The following CHODL variants were observed in gnomAD, a reference collection of about 807,000 sequenced individuals.
The protein encoded by CHODL is chondrolectin.
CHODL carries 29 observed loss-of-function variants against 34.5 expected under a neutral mutation model. The observed-to-expected ratio is 0.84, with a 90% CI of 0.63 to 1.15. CHODL has a LOEUF of 1.15. Among genes scored for constraint, CHODL ranks in the 50% most tolerant of loss-of-function variants. CHODL has a pLI of 0.00. For missense variants in CHODL, 332 were observed against 332.5 expected, an observed-to-expected ratio of 1.00 and a Z score of 0.01; for synonymous variants, 125 against 116.1, an observed-to-expected ratio of 1.08 and a Z score of -0.49.
At position 18,263,884 on chromosome 21, in the gene CHODL, A is replaced by G. The variant is rs142516373; in HGVS notation, c.737+991A>G. Among the ~76,000 whole-genome samples the G allele has an allele frequency of 2.6e-5, 4 of 151,536 alleles. No homozygotes were observed. The East Asian group carries it at 7.7e-4, about 29-fold the overall frequency. On this transcript the variant is annotated intron_variant, in intron 5 of 5. Transcript: ENST00000299295. ...TGAAATGAAATACTAATTCTACACA[A>G]AAGCCACATTAATAACCTTTTTTTT...
At chr21:18,065,751 A>G (rs2064724313) in intron 2 of CHODL, among the ~76,000 whole-genome samples, 1 of 152,204 alleles carries the variant, frequency 6.6e-6, no homozygotes, top group Admixed American at 6.5e-5. Flanking sequence ...CAAATTTGAT[A>G]GAATATGAAA....
chr21:18,160,739 G>C (rs1224081393), intron 2 of CHODL, among the ~76,000 whole-genome samples: 1 of 152,116 alleles, frequency 6.6e-6, no homozygotes, highest in Non-Finnish European at 1.5e-5. Flanking sequence ...ATCATTGATG[G>C]ACATTTATGT....
intron 1 of CHODL, among the ~76,000 whole-genome samples, chr21:17,987,040 G>A (rs1278445618): frequency 6.6e-6 from 1 of 152,144 alleles, no homozygotes; most frequent in Admixed American, 6.5e-5. Context: ...CAAAAAGTTA[G>A]GAGAGCTCAG....
chr21:18,250,867 A>G (rs1439684815), intron 1 of CHODL, among the ~76,000 whole-genome samples: 1 of 151,762 alleles, frequency 6.6e-6, no homozygotes, highest in Non-Finnish European at 1.5e-5. Flanking sequence ...TTTTTTTTGC[A>G]ACTAATGGTA....
At chr21:18,088,930 C>G (rs563839131) in intron 2 of CHODL, among the ~76,000 whole-genome samples, 1 of 152,132 alleles carries the variant, frequency 6.6e-6, no homozygotes, top group Admixed American at 6.5e-5. Flanking sequence ...AGTAAGGTCT[C>G]GGTTCTCAGT....
chr21:18,091,374 A>C (rs746612248), intron 2 of CHODL, among the ~76,000 whole-genome samples: 1 of 152,208 alleles, frequency 6.6e-6, no homozygotes, highest in Non-Finnish European at 1.5e-5. Flanking sequence ...GGGAGACTCC[A>C]GTAGGTATGG....
chr21:18,151,950 G>A (rs995001592), intron 2 of CHODL, among the ~76,000 whole-genome samples: 2 of 151,712 alleles, frequency 1.3e-5, no homozygotes, highest in Non-Finnish European at 2.9e-5. Flanking sequence ...GTTTTGAGGG[G>A]ATACATTCAG....
intron 4 of CHODL, among the ~76,000 whole-genome samples, chr21:18,262,199 C>T (rs1488366050): frequency 6.6e-6 from 1 of 152,046 alleles, no homozygotes; most frequent in Non-Finnish European, 1.5e-5. Context: ...CAGATCAGTA[C>T]AATTCAATTT....
intron 2 of CHODL, among the ~76,000 whole-genome samples, chr21:18,077,679 T>G (rs1345144917): frequency 6.6e-6 from 1 of 152,130 alleles, no homozygotes; most frequent in Non-Finnish European, 1.5e-5. Context: ...GAGGACACAT[T>G]GAAAGAGTGT....
chr21:18,126,807 T>TA (rs772660864), intron 2 of CHODL, among the ~76,000 whole-genome samples: 11 of 152,156 alleles, frequency 7.2e-5, no homozygotes, highest in Non-Finnish European at 1.5e-4. Context: ...TCAATGCTAG[T>TA]AAAAAATCCA....
intron 2 of CHODL, among the ~76,000 whole-genome samples, chr21:18,236,940 A>C (rs2074033689): frequency 6.6e-6 from 1 of 152,134 alleles, no homozygotes. Context: ...GAGGATACAG[A>C]ATATGTTATA....
At chr21:18,084,596 A>T (rs187579950) in intron 2 of CHODL, among the ~76,000 whole-genome samples, 4 of 152,148 alleles carry the variant, frequency 2.6e-5, no homozygotes, top group Non-Finnish European at 5.9e-5. Context: ...CATTGTATTG[A>T]TTTCTGGCTT....
intron 2 of CHODL, among the ~76,000 whole-genome samples, chr21:18,167,209 CTCTGTGTGTGTG>C (rs1411055441): frequency 7.0e-5 from 9 of 129,070 alleles, no homozygotes; most frequent in South Asian, 2.7e-4. Flanking sequence ...ATTTCTCTCT[CTCTGTGTGTGTG>C]TGTGTGTGTG....
intron 2 of CHODL, among the ~76,000 whole-genome samples, chr21:18,213,234 T>G (rs948431182): frequency 2.0e-5 from 3 of 152,130 alleles, no homozygotes; most frequent in Non-Finnish European, 4.4e-5. Context: ...CAACCTTTAA[T>G]AACTGTAAGG....
chr21:17,976,331 T>G (rs1340907297), intron 1 of CHODL, among the ~76,000 whole-genome samples: 1 of 151,538 alleles, frequency 6.6e-6, no homozygotes, highest in Non-Finnish European at 1.5e-5. Flanking sequence ...CAAGTTTCTA[T>G]TCTTTTAGTT....
intron 2 of CHODL, among the ~76,000 whole-genome samples, chr21:18,085,960 TTC>T (rs1441239851): frequency 6.6e-6 from 1 of 151,972 alleles, no homozygotes; most frequent in Non-Finnish European, 1.5e-5. Context: ...GAGCTTTTTA[TTC>T]TCTCTTTCCC....
intron 2 of CHODL, among the ~76,000 whole-genome samples, chr21:18,181,399 GT>G (rs2073379314): frequency 6.6e-6 from 1 of 152,106 alleles, no homozygotes; most frequent in Non-Finnish European, 1.5e-5. Context: ...TTTTTTGTTT[GT>G]TTTTGTTTTT....
At chr21:17,944,995 G>A (rs1187001684) in intron 1 of CHODL, among the ~76,000 whole-genome samples, 6 of 152,130 alleles carry the variant, frequency 3.9e-5, no homozygotes. Context: ...TGGATCACAG[G>A]GTCCGGAGAT....
At chr21:17,986,016 C>G (rs2063750712) in intron 1 of CHODL, among the ~76,000 whole-genome samples, 1 of 152,074 alleles carries the variant, frequency 6.6e-6, no homozygotes, top group Admixed American at 6.6e-5. Flanking sequence ...AATTATCTTC[C>G]AAAAGCCTCA....
Sources: gnomAD v4.1 joint callset for allele counts (sites outside exome capture counted in the v4.1 genomes callset) on GRCh38, gnomAD v4.1.1 for gene constraint, MANE v1.5 for transcripts, NCBI Gene and HGNC (gene_info 2026-07-23, HGNC 2026-07-21) for gene names.